Variants in IL3RA observed in about 807,000 individuals in gnomAD.
The protein encoded by IL3RA is interleukin-3 receptor subunit alpha.
In IL3RA, 73 loss-of-function variants were observed where a neutral mutation model predicts 52.3. The observed-to-expected ratio is 1.40, with a 90% CI of 1.16 to 1.70. IL3RA has a LOEUF of 1.70. IL3RA is among the 40% of genes most tolerant of loss of function. The pLI is 0.00. For missense variants in IL3RA, 664 were observed against 504.4 expected (o/e 1.32, Z -3.03); for synonymous variants, 260 against 194.0 (o/e 1.34, Z -2.83).
At chrX:1,381,250 T>G in intron 11 of IL3RA, 146 bp downstream of exon 11, 1 of 736,520 alleles carries the variant, frequency 1.4e-6, no homozygotes, top group Middle Eastern at 3.3e-4. Context: ...AATACAAAAT[T>G]AGCCGGGTGT....
intron 4 of IL3RA, among the ~76,000 whole-genome samples, chrX:1,349,253 C>G (rs1475035332): frequency 6.6e-6 from 1 of 150,996 alleles, no homozygotes; most frequent in African/African-American, 2.4e-5. Flanking sequence ...GCGATCTCGG[C>G]TCACTGCAAC....
chrX:1,380,886 G>C (rs1196168117), intron 10 of IL3RA, 137 bp from the exon 11 acceptor site: 3 of 744,190 alleles, frequency 4.0e-6, no homozygotes, highest in East Asian at 5.0e-5. Context: ...CAGGGGCCGG[G>C]AAAATAGAGA....
chrX:1,344,089 C>T (rs754621009), intron 2 of IL3RA, among the ~76,000 whole-genome samples: 155 of 152,122 alleles, frequency 1.0e-3, no homozygotes, highest in Middle Eastern at 6.8e-3. Flanking sequence ...CCACCACGCC[C>T]GTTTGCTTTA....
At chrX:1,367,979 A>G (rs1168589297) in intron 9 of IL3RA, among the ~76,000 whole-genome samples, 1 of 152,024 alleles carries the variant, frequency 6.6e-6, no homozygotes, top group African/African-American at 2.4e-5. Flanking sequence ...GAGGGGAAAC[A>G]AGGTCGTCCC....
rs28625744 is a variant in IL3RA at position 1,345,646 on chromosome X, T to C, written c.183+212T>C. On this transcript the variant is annotated intron_variant, in intron 3 of 11. Coordinates refer to ENST00000331035, the MANE Select transcript of IL3RA (RefSeq NM_002183.4). The stretch of plus-strand genomic sequence containing the variant: ...CTGGGACTACAGGCGCCCGCCACCA[T>C]GCCCGGCTAATTTTTTTGTATTTTT... 9.3e-3 allele frequency among the ~76,000 whole-genome samples: 1,403 copies of C among 151,574 alleles called. 30 individuals carry two copies. The highest frequency in any genetic ancestry group is 0.025 in the African/African-American group (1,032 of 41,182).
chrX:1,379,052 AGGCTGGTCTTG>A (rs1161562437), intron 10 of IL3RA, among the ~76,000 whole-genome samples: 2 of 152,146 alleles, frequency 1.3e-5, no homozygotes, highest in Non-Finnish European at 2.9e-5. Context: ...CATGTTGGCC[AGGCTGGTCTTG>A]AATTCCTGGA....
At chrX:1,338,372 T>C (rs1261899833) in intron 1 of IL3RA, among the ~76,000 whole-genome samples, 2 of 149,602 alleles carry the variant, frequency 1.3e-5, no homozygotes, top group African/African-American at 5.0e-5. Flanking sequence ...CATCTATAGA[T>C]GAATGGAGAA....
rs182866814 is a variant in IL3RA, at chrX:1,351,730, G to A, written c.299-370G>A. Among the ~76,000 whole-genome samples the A allele has an allele frequency of 6.6e-3, 990 of 150,754 alleles. 10 individuals are homozygous for A. Among genetic ancestry groups the A allele is most frequent in the African/African-American group, 0.022 (916 of 40,940 alleles). ...TGCAACCTCTGCCTCCTGGGTTCAA[G>A]AAATTCTCCTGCCTCAGCCTCCCGA... On this transcript the variant is annotated intron_variant, in intron 4 of 11. Coordinates refer to ENST00000331035, the MANE Select transcript of IL3RA (RefSeq NM_002183.4).
In IL3RA at chrX:1,347,431, C is replaced by T. The variant is rs867784924; in HGVS notation, c.184-1000C>T. Among the ~76,000 whole-genome samples the T allele has an allele frequency of 4.2e-4, 62 of 148,000 alleles. 1 individual carries two copies. The highest frequency in any genetic ancestry group is 1.9e-3 in the East Asian group (10 of 5,146). On this transcript the variant is annotated intron_variant, in intron 3 of 11. Coordinates refer to ENST00000331035, the MANE Select transcript of IL3RA (RefSeq NM_002183.4). ...CTGCACTCCAGCCTGGGCGACAGAG[C>T]GAGACTCTGTCTCAAAAAAACAAAA... is the stretch of plus-strand genomic sequence containing the variant.
chrX:1,361,714 C>T (rs770875633), intron 8 of IL3RA, among the ~76,000 whole-genome samples: 12 of 142,584 alleles, frequency 8.4e-5, no homozygotes, highest in South Asian at 6.7e-4. Context: ...GATCGCGCCA[C>T]TGCACTCCAG....
At chrX:1,349,472 G>A (rs1211680767) in intron 4 of IL3RA, among the ~76,000 whole-genome samples, 15 of 151,748 alleles carry the variant, frequency 9.9e-5, no homozygotes, top group Admixed American at 2.0e-4. Context: ...GAGCCACCGC[G>A]CCCAGCCTTA....
chrX:1,345,438 A>C lies in IL3RA; in HGVS notation c.183+4A>C. ...AGACGCCGACTATTCTATGCCGGTA[A>C]ATCATACTCTCTATTGTTTTTTTAT... On this transcript the variant is annotated splice_donor_region_variant and intron_variant, in intron 3 of 11. Coordinates refer to ENST00000331035, the MANE Select transcript of IL3RA (RefSeq NM_002183.4). 1 of 1,513,928 alleles carries C rather than the reference A, an allele frequency of 6.6e-7. No homozygotes were observed. The highest frequency in any genetic ancestry group is 9.0e-7 in the Non-Finnish European group (1 of 1,106,016). The allele number at this position is 1,513,928 out of a possible 1,614,324, so 93.8% of individuals were successfully genotyped here.
intron 4 of IL3RA, among the ~76,000 whole-genome samples, chrX:1,351,638 T>C (rs1204616262): frequency 2.1e-5 from 3 of 141,678 alleles, no homozygotes; most frequent in Non-Finnish European, 4.6e-5. Flanking sequence ...TTTGTTTTTT[T>C]ATTTTTTTGA....
At chrX:1,367,430 C>T (rs1381921635) in intron 9 of IL3RA, among the ~76,000 whole-genome samples, 2 of 64,536 alleles carry the variant, frequency 3.1e-5, no homozygotes, top group Admixed American at 1.6e-4. Flanking sequence ...GCGGGGTGCG[C>T]GGGGTGAGCC....
chrX:1,348,450 G>T lies in IL3RA; in HGVS notation c.203G>T (p.Cys68Phe). ...TCTTAGGCAGTGAACAATAGCTATT[G>T]CCAGTTTGGAGCAATTTCCTTATGT... The part of the protein sequence containing the change: ...YSMPAVNNSY[C>F]QFGAISLCEV... Residue 68 changes from cysteine to phenylalanine, a missense_variant, in exon 4 of 12, where the codon TGC becomes TTC. Physicochemically the swap from Cys to Phe is radical, Grantham distance 205. Transcript: ENST00000331035. The T allele has an allele frequency of 6.2e-7, 1 of 1,613,710 alleles. No individual in the cohort carries two copies. Among genetic ancestry groups the T allele is most frequent in the South Asian group, 1.1e-5 (1 of 91,072 alleles).
intron 8 of IL3RA, among the ~76,000 whole-genome samples, chrX:1,364,633 G>C (rs761178513): frequency 6.6e-6 from 1 of 150,640 alleles, no homozygotes; most frequent in Admixed American, 6.6e-5. Flanking sequence ...ACCACGTCTG[G>C]TAATTTTTAC....
intron 2 of IL3RA, 74 bp from the exon 3 acceptor site, chrX:1,345,242 A>AG: frequency 1.0e-6 from 1 of 955,172 alleles, no homozygotes; most frequent in Non-Finnish European, 1.6e-6. Context: ...GCAAAAAAAA[A>AG]AAACCATACC....
At chrX:1,344,490 A>G (rs1392557259) in intron 2 of IL3RA, among the ~76,000 whole-genome samples, 1 of 151,764 alleles carries the variant, frequency 6.6e-6, no homozygotes, top group Non-Finnish European at 1.5e-5. Context: ...ATTGTTGTAT[A>G]TCAACTGGGC....
At chrX:1,361,448 G>A (rs1373114165) in intron 8 of IL3RA, among the ~76,000 whole-genome samples, 4 of 152,106 alleles carry the variant, frequency 2.6e-5, no homozygotes, top group African/African-American at 4.8e-5. Context: ...ACATGTCAGC[G>A]GGCAAGACAG....
Sources: allele counts gnomAD v4.1 joint callset (sites outside exome capture counted in the v4.1 genomes callset), GRCh38; gene constraint gnomAD v4.1.1; transcripts MANE v1.5; gene names NCBI Gene and HGNC (gene_info 2026-07-23, HGNC 2026-07-21).